ALCAM: variants seen among roughly 807,000 people sequenced by gnomAD.
ALCAM encodes the protein activated leukocyte cell adhesion molecule.
Under a neutral mutation model 70.9 loss-of-function variants are expected in ALCAM, and 30 were observed. The observed-to-expected ratio is 0.42, with a 90% CI of 0.32 to 0.57. ALCAM has a LOEUF of 0.57. ALCAM is among the 20% of genes least tolerant of loss of function. The probability of loss-of-function intolerance (pLI) is 0.11; values close to 1 mark genes in which losing one functional copy is unlikely to be tolerated. For missense variants in ALCAM, 591 were observed against 695.1 expected, an observed-to-expected ratio of 0.85 and a Z score of 1.68; for synonymous variants, 249 against 242.5, an observed-to-expected ratio of 1.03 and a Z score of -0.25.
At chr3:105,443,752 A>AT (rs1937233111) in intron 1 of ALCAM, among the ~76,000 whole-genome samples, 1 of 152,186 alleles carries the variant, frequency 6.6e-6, no homozygotes, top group South Asian at 2.1e-4. Flanking sequence ...GACATGAATA[A>AT]TTTTAAATCA....
At chr3:105,561,004 A>G (rs2152634015) in intron 14 of ALCAM, among the ~76,000 whole-genome samples, 1 of 152,192 alleles carries the variant, frequency 6.6e-6, no homozygotes, top group South Asian at 2.1e-4. Flanking sequence ...CAACTTACTA[A>G]TATTTGGTCT....
intron 1 of ALCAM, among the ~76,000 whole-genome samples, chr3:105,431,463 G>T (rs912543355): frequency 6.6e-6 from 1 of 152,090 alleles, no homozygotes; most frequent in Non-Finnish European, 1.5e-5. Flanking sequence ...TGTTGTCATA[G>T]CGATGAGCAA....
At chr3:105,488,041 G>A (rs1265625568) in intron 1 of ALCAM, among the ~76,000 whole-genome samples, 2 of 152,214 alleles carry the variant, frequency 1.3e-5, no homozygotes, top group East Asian at 3.9e-4. Flanking sequence ...CCTCTCTGGG[G>A]ATTGGGGGCT....
intron 1 of ALCAM, among the ~76,000 whole-genome samples, chr3:105,496,613 G>C (rs1938745673): frequency 6.6e-6 from 1 of 152,122 alleles, no homozygotes; most frequent in South Asian, 2.1e-4. Context: ...AAGTCACTCA[G>C]CATGCCCCCT....
intron 1 of ALCAM, among the ~76,000 whole-genome samples, chr3:105,390,386 T>C (rs1935786960): frequency 6.6e-6 from 1 of 152,168 alleles, no homozygotes. Flanking sequence ...GTTGGCTGCA[T>C]AAATGTCTTC....
At chr3:105,451,371 G>A (rs1474327032) in intron 1 of ALCAM, among the ~76,000 whole-genome samples, 1 of 151,940 alleles carries the variant, frequency 6.6e-6, no homozygotes, top group Non-Finnish European at 1.5e-5. Context: ...AGAAAAGAAA[G>A]CAAGAAAGAG....
intron 1 of ALCAM, among the ~76,000 whole-genome samples, chr3:105,505,826 A>C (rs533961777): frequency 1.3e-5 from 2 of 152,284 alleles, no homozygotes; most frequent in South Asian, 4.1e-4. Flanking sequence ...AACCTACACT[A>C]TTCTTCAGAT....
chr3:105,524,817 G>A (rs2152624475), intron 3 of ALCAM: 1 of 1,100,880 alleles, frequency 9.1e-7, no homozygotes, highest in Non-Finnish European at 1.1e-6. Flanking sequence ...TTACTGACAT[G>A]TACAAATAAG....
intron 7 of ALCAM, 147 bp downstream of exon 7, chr3:105,540,249 C>T: frequency 1.3e-6 from 1 of 769,912 alleles, no homozygotes; most frequent in African/African-American, 1.8e-5. Flanking sequence ...TTTTTCTGCA[C>T]CTGCCACTGT....
chr3:105,509,826 A>G (rs1476649158), intron 1 of ALCAM, among the ~76,000 whole-genome samples: 3 of 152,154 alleles, frequency 2.0e-5, no homozygotes, highest in East Asian at 3.9e-4. Flanking sequence ...CTTTTCCCCT[A>G]TGCATTCTTC....
At chr3:105,417,347 A>G (rs1576149485) in intron 1 of ALCAM, among the ~76,000 whole-genome samples, 2 of 151,900 alleles carry the variant, frequency 1.3e-5, no homozygotes, top group Non-Finnish European at 2.9e-5. Flanking sequence ...AGGGTCTGCT[A>G]TTTAATTTTT....
chr3:105,434,002 T>C (rs980589632), intron 1 of ALCAM, among the ~76,000 whole-genome samples: 1 of 152,104 alleles, frequency 6.6e-6, no homozygotes, highest in African/African-American at 2.4e-5. Flanking sequence ...ACATCACTTA[T>C]TTCATTGTCC....
intron 2 of ALCAM, among the ~76,000 whole-genome samples, chr3:105,523,882 A>G (rs577200641): frequency 6.6e-6 from 1 of 152,350 alleles, no homozygotes; most frequent in East Asian, 1.9e-4. Flanking sequence ...TATTCCAAAG[A>G]TAATTGCCCA....
At chr3:105,539,316 A>G (rs925701885) in intron 6 of ALCAM, among the ~76,000 whole-genome samples, 3 of 152,078 alleles carry the variant, frequency 2.0e-5, no homozygotes, top group Non-Finnish European at 4.4e-5. Flanking sequence ...GCTGAAGCAT[A>G]CCCTTTAGCC....
At chr3:105,385,492 T>C (rs1371225297) in intron 1 of ALCAM, among the ~76,000 whole-genome samples, 1 of 151,636 alleles carries the variant, frequency 6.6e-6, no homozygotes, top group Non-Finnish European at 1.5e-5. Flanking sequence ...AGTAGCATCA[T>C]GATGTAAAAT....
intron 1 of ALCAM, among the ~76,000 whole-genome samples, chr3:105,513,797 G>A (rs894810805): frequency 4.6e-5 from 7 of 151,888 alleles, no homozygotes; most frequent in Non-Finnish European, 7.4e-5. Flanking sequence ...AGAGAAAATA[G>A]AGATCTAACA....
At chr3:105,399,803 C>T (rs917241336) in intron 1 of ALCAM, among the ~76,000 whole-genome samples, 7 of 152,166 alleles carry the variant, frequency 4.6e-5, no homozygotes, top group Non-Finnish European at 8.8e-5. Context: ...ACAAGAGCCA[C>T]TCTGTTTGGA....
At chr3:105,441,346 G>T (rs1937166311) in intron 1 of ALCAM, among the ~76,000 whole-genome samples, 1 of 151,946 alleles carries the variant, frequency 6.6e-6, no homozygotes, top group Non-Finnish European at 1.5e-5. Flanking sequence ...TAAGTTACTG[G>T]TTCAGTGTCT....
At chr3:105,398,858 GA>G (rs910768969) in intron 1 of ALCAM, among the ~76,000 whole-genome samples, 65 of 148,604 alleles carry the variant, frequency 4.4e-4, no homozygotes, top group African/African-American at 1.5e-3. Context: ...CCAAGAGCAA[GA>G]AAAAAAAAGT....
Sources: allele counts gnomAD v4.1 joint callset (sites outside exome capture counted in the v4.1 genomes callset), GRCh38; gene constraint gnomAD v4.1.1; transcripts MANE v1.5; gene names NCBI Gene and HGNC (gene_info 2026-07-23, HGNC 2026-07-21).